The following ITSN1 variants were observed in gnomAD, a reference collection of about 807,000 sequenced individuals.
The protein encoded by ITSN1 is intersectin-1.
ITSN1 carries 58 observed loss-of-function variants against 239.8 expected under a neutral mutation model. The observed-to-expected ratio is 0.24, with a 90% CI of 0.20 to 0.30. ITSN1 has a LOEUF of 0.30. Ranked by LOEUF, ITSN1 falls within the 10% of genes least tolerant of loss-of-function variation. The probability of loss-of-function intolerance (pLI) is 1.00; values close to 1 mark genes in which losing one functional copy is unlikely to be tolerated. For synonymous variants in ITSN1, 780 were observed against 770.8 expected (o/e 1.01, Z -0.20); for missense variants, 1,558 against 2,103.3 (o/e 0.74, Z 5.07).
intron 22 of ITSN1, 103 bp from the exon 23 acceptor site, chr21:33,818,164 C>T: frequency 5.6e-6 from 5 of 888,530 alleles, no homozygotes; most frequent in Non-Finnish European, 7.1e-6. Flanking sequence ...GCTGTGTGTG[C>T]TTGTCTGGCC....
chr21:33,665,169 A>G (rs892975844), intron 1 of ITSN1, among the ~76,000 whole-genome samples: 2 of 152,182 alleles, frequency 1.3e-5, no homozygotes, highest in Non-Finnish European at 2.9e-5. Context: ...AGGCTGAGGC[A>G]GGAGAATCGC....
At chr21:33,823,075 G>A (rs567921377) in intron 24 of ITSN1, among the ~76,000 whole-genome samples, 1 of 152,330 alleles carries the variant, frequency 6.6e-6, no homozygotes, top group African/African-American at 2.4e-5. Flanking sequence ...TGCTTACCAA[G>A]AGCCTGCATA....
rs191697256 is a variant in ITSN1 at position 33,650,964 on chromosome 21, A to G, written c.-33+8251A>G. On this transcript the variant is annotated intron_variant, in intron 1 of 39. Coordinates refer to ENST00000381318, the MANE Select transcript of ITSN1 (RefSeq NM_003024.3). ...TTGTTTTAATATTCTTTAAATGATT[A>G]CAGGAGGAAGAAACTTGGTAGCGGG... Among the ~76,000 whole-genome samples, 140 of 152,386 alleles carry G rather than the reference A, an allele frequency of 9.2e-4. 1 individual carries two copies. Among genetic ancestry groups the G allele is most frequent in the African/African-American group, 3.3e-3 (138 of 41,598 alleles).
intron 14 of ITSN1, 70 bp downstream of exon 14, chr21:33,775,178 CTTACTTATTCAGT>C: frequency 6.7e-7 from 1 of 1,494,398 alleles, no homozygotes. Context: ...ATTTCATTTA[CTTACTTATTCAGT>C]AAACATTAAG....
chr21:33,831,208 A>G (rs2074273173), intron 27 of ITSN1, among the ~76,000 whole-genome samples: 1 of 152,154 alleles, frequency 6.6e-6, no homozygotes, highest in Non-Finnish European at 1.5e-5. Context: ...CCTGCTTCAT[A>G]GCTTAGTGAA....
Position 33,718,799 on chromosome 21 carries a change from G to A in ITSN1, c.-30G>A, listed in dbSNP as rs201281114. 38 of 1,606,848 alleles carry A rather than the reference G, an allele frequency of 2.4e-5. No homozygotes were observed. The highest frequency in any genetic ancestry group is 3.3e-5 in the South Asian group (3 of 90,408). ...AAATGTTGCATTTTCACTTACAGGCGTCGATTAGCAAGGTAAAAGTAACAG... is the reference window on the plus strand; with the variant it reads ...AAATGTTGCATTTTCACTTACAGGCATCGATTAGCAAGGTAAAAGTAACAG... On this transcript the variant is annotated splice_region_variant and 5_prime_UTR_variant, in exon 2 of 40. Coordinates refer to ENST00000381318, the MANE Select transcript of ITSN1 (RefSeq NM_003024.3).
intron 31 of ITSN1, 42 bp downstream of exon 31, chr21:33,858,834 G>A (rs775093228): frequency 1.0e-5 from 12 of 1,194,076 alleles, no homozygotes; most frequent in African/African-American, 4.5e-5. Flanking sequence ...TGGCCTCCTC[G>A]GCTCTCATGC....
At chr21:33,665,353 C>G (rs796597718) in intron 1 of ITSN1, among the ~76,000 whole-genome samples, 11 of 152,166 alleles carry the variant, frequency 7.2e-5, no homozygotes, top group African/African-American at 2.6e-4. Context: ...AGAAGATATC[C>G]AAATGGTCAA....
chr21:33,795,182 G>T (rs2148021247), intron 17 of ITSN1, among the ~76,000 whole-genome samples: 1 of 152,316 alleles, frequency 6.6e-6, no homozygotes, highest in South Asian at 2.1e-4. Flanking sequence ...CAGGCATGGT[G>T]GCTCACACCT....
intron 2 of ITSN1, among the ~76,000 whole-genome samples, chr21:33,719,480 C>T (rs935959308): frequency 4.6e-5 from 7 of 152,180 alleles, no homozygotes; most frequent in African/African-American, 1.7e-4. Flanking sequence ...ATTATTGTAC[C>T]TGTAAAATGT....
chr21:33,709,256 G>T (rs1210567764), intron 1 of ITSN1, among the ~76,000 whole-genome samples: 1 of 152,118 alleles, frequency 6.6e-6, no homozygotes, highest in Non-Finnish European at 1.5e-5. Flanking sequence ...CATGAACTTA[G>T]TATCTTAGTA....
Position 33,781,515 on chromosome 21 carries a change from C to T in ITSN1, c.1651C>T (p.Gln551Ter). 6.3e-7 allele frequency: 1 copy of T among 1,588,920 alleles called. No homozygotes were observed. Among genetic ancestry groups the T allele is most frequent in the Non-Finnish European group, 8.6e-7 (1 of 1,167,104 alleles). The stretch of plus-strand genomic sequence containing the variant: ...TCCAGAAAAACAGATACTCAATGAC[C>T]AATTAAAACAAGTTCAGCAGAACAG... ...LIPEKQILND[Q>*]LKQVQQNSLH... Residue 551 changes from glutamine (Q) to a stop codon, truncating the protein, a stop_gained, in exon 15 of 40, where the codon CAA becomes TAA. Coordinates refer to ENST00000381318, the MANE Select transcript of ITSN1 (RefSeq NM_003024.3). LOFTEE classifies it high-confidence loss of function.
chr21:33,891,737 C>T lies in ITSN1; in HGVS notation c.*3437C>T, dbSNP rs1048899668. ...GGCTGAAGATGAAGGGAGAAATGGA[C>T]AAGGCACTTCTGGCTTTATTGAAAA... On this transcript the variant is annotated 3_prime_UTR_variant, in exon 40 of 40. Coordinates refer to ENST00000381318, the MANE Select transcript of ITSN1 (RefSeq NM_003024.3). 2 of 152,150 alleles carry T rather than the reference C, an allele frequency of 1.3e-5. No homozygotes were observed. The highest frequency in any genetic ancestry group is 4.8e-5 in the African/African-American group (2 of 41,416). 9.4% of individuals were successfully genotyped at this position (152,150 alleles called of 1,614,324 possible).
intron 30 of ITSN1, among the ~76,000 whole-genome samples, chr21:33,857,768 T>G (rs1370449898): frequency 6.6e-6 from 1 of 152,162 alleles, no homozygotes; most frequent in Non-Finnish European, 1.5e-5. Flanking sequence ...GTTCAGGATG[T>G]CCAGGGTGCA....
At chr21:33,645,522 T>TA (rs933575063) in intron 1 of ITSN1, among the ~76,000 whole-genome samples, 2 of 152,136 alleles carry the variant, frequency 1.3e-5, no homozygotes, top group African/African-American at 4.8e-5. Flanking sequence ...CTCGTGCCTA[T>TA]ATTCCCAGCT....
At chr21:33,703,052 C>T (rs894836531) in intron 1 of ITSN1, among the ~76,000 whole-genome samples, 2 of 151,762 alleles carry the variant, frequency 1.3e-5, no homozygotes, top group African/African-American at 2.4e-5. Context: ...CACCACTGCA[C>T]TCCAGCCTGG....
chr21:33,829,987 A>G (rs1021217182), intron 27 of ITSN1, among the ~76,000 whole-genome samples: 1 of 152,194 alleles, frequency 6.6e-6, no homozygotes, highest in Admixed American at 6.5e-5. Flanking sequence ...CTGAATTCAG[A>G]TAGAGTCGGC....
Position 33,808,250 on chromosome 21 carries a change from A to G in ITSN1, c.2320-2725A>G, listed in dbSNP as rs941730061. ...GGACAGAAGCCCAAGTAGGAGAACT[A>G]CAGCGCAACATCAGAGCTGGACAGC... On this transcript the variant is annotated intron_variant, in intron 20 of 39. Coordinates refer to ENST00000381318, the MANE Select transcript of ITSN1 (RefSeq NM_003024.3). Among the ~76,000 whole-genome samples the G allele has an allele frequency of 3.3e-5, 5 of 152,066 alleles. No homozygotes were observed. In the South Asian group the frequency reaches 6.2e-4, roughly 19 times the overall value.
intron 21 of ITSN1, among the ~76,000 whole-genome samples, chr21:33,812,786 A>G (rs2073002265): frequency 6.6e-6 from 1 of 152,182 alleles, no homozygotes; most frequent in Non-Finnish European, 1.5e-5. Flanking sequence ...GGTATCAGCC[A>G]CCATGCCCAG....
Sources: gnomAD v4.1 joint callset for allele counts (sites outside exome capture counted in the v4.1 genomes callset) on GRCh38, gnomAD v4.1.1 for gene constraint, MANE v1.5 for transcripts, NCBI Gene and HGNC (gene_info 2026-07-23, HGNC 2026-07-21) for gene names.